ZNRF3: variants seen among roughly 807,000 people sequenced by gnomAD.
ZNRF3 encodes the protein zinc and ring finger 3, also known as E3 ubiquitin-protein ligase ZNRF3.
ZNRF3 carries 23 observed loss-of-function variants against 72.5 expected under a neutral mutation model. The ratio of observed to expected loss-of-function variants is 0.32; its 90% CI spans 0.23 to 0.45. The LOEUF (loss-of-function observed/expected upper bound fraction) is 0.45. Ranked by LOEUF, ZNRF3 falls within the 20% of genes least tolerant of loss-of-function variation. The pLI, the probability that ZNRF3 is intolerant of heterozygous loss-of-function variation, is 1.00. For missense variants in ZNRF3, 1,169 were observed against 1,272.1 expected, an observed-to-expected ratio of 0.92 and a Z score of 1.23; for synonymous variants, 610 against 545.3, an observed-to-expected ratio of 1.12 and a Z score of -1.65.
At chr22:28,894,014 C>T (rs1426442284) in intron 1 of ZNRF3, among the ~76,000 whole-genome samples, 1 of 152,110 alleles carries the variant, frequency 6.6e-6, no homozygotes, top group African/African-American at 2.4e-5. Flanking sequence ...TGCAGTGGCG[C>T]AATCTTTCTT....
intron 1 of ZNRF3, among the ~76,000 whole-genome samples, chr22:28,932,754 G>A (rs74715263): frequency 0.022 from 3,283 of 152,266 alleles, 80 homozygotes; most frequent in African/African-American, 0.051. Context: ...CTTAAGAACC[G>A]TCACAGAAGA....
intron 8 of ZNRF3, among the ~76,000 whole-genome samples, chr22:29,052,141 T>C (rs1261054929): frequency 9.2e-5 from 14 of 152,236 alleles, no homozygotes. Context: ...AACTGGAGTC[T>C]AGCACCTCTG....
At chr22:28,946,868 A>G (rs1399205146) in intron 1 of ZNRF3, among the ~76,000 whole-genome samples, 1 of 152,180 alleles carries the variant, frequency 6.6e-6, no homozygotes, top group Non-Finnish European at 1.5e-5. Flanking sequence ...TGAGGAGGTG[A>G]GTAGCTATGA....
chr22:28,987,815 CT>C (rs2035884006), intron 2 of ZNRF3, among the ~76,000 whole-genome samples: 1 of 151,800 alleles, frequency 6.6e-6, no homozygotes, highest in Non-Finnish European at 1.5e-5. Flanking sequence ...GGTTTTAGAG[CT>C]TTTTTTGGTT....
At chr22:29,017,685 GGGA>G (rs2036460965) in intron 2 of ZNRF3, among the ~76,000 whole-genome samples, 2 of 152,214 alleles carry the variant, frequency 1.3e-5, no homozygotes, top group Middle Eastern at 3.4e-3. Context: ...GGGTTATGGT[GGGA>G]GGAGAAATGT....
At chr22:28,959,499 A>G (rs983081888) in intron 1 of ZNRF3, among the ~76,000 whole-genome samples, 1 of 152,252 alleles carries the variant, frequency 6.6e-6, no homozygotes, top group Non-Finnish European at 1.5e-5. Flanking sequence ...ATGTTACCAC[A>G]GTAATATTAA....
intron 1 of ZNRF3, among the ~76,000 whole-genome samples, chr22:28,910,038 CT>C (rs200106075): frequency 1.5e-3 from 216 of 145,196 alleles, no homozygotes; most frequent in Middle Eastern, 3.5e-3. Flanking sequence ...TCTCCATTAA[CT>C]TTTTTTTTTT....
At chr22:28,946,607 G>C (rs1444061232) in intron 1 of ZNRF3, among the ~76,000 whole-genome samples, 1 of 152,200 alleles carries the variant, frequency 6.6e-6, no homozygotes, top group Non-Finnish European at 1.5e-5. Flanking sequence ...CTTTCTGTTT[G>C]ATGGTGGTTG....
intron 2 of ZNRF3, among the ~76,000 whole-genome samples, chr22:29,036,556 GCCTGT>G (rs1487806468): frequency 5.3e-5 from 8 of 152,248 alleles, no homozygotes; most frequent in South Asian, 2.1e-4. Flanking sequence ...TGACAAATTT[GCCTGT>G]ATTGTCTGTG....
At chr22:29,045,911 C>A (rs1453503051) in intron 5 of ZNRF3, among the ~76,000 whole-genome samples, 3 of 152,196 alleles carry the variant, frequency 2.0e-5, no homozygotes, top group Non-Finnish European at 4.4e-5. Context: ...GTTTGCCTGT[C>A]CCAGTACATC....
intron 1 of ZNRF3, among the ~76,000 whole-genome samples, chr22:28,981,776 C>A (rs938221867): frequency 1.3e-5 from 2 of 152,146 alleles, no homozygotes; most frequent in African/African-American, 4.8e-5. Flanking sequence ...GCGGGTGGAT[C>A]ACCTGAGGTC....
chr22:28,895,796 T>C (rs949312934), intron 1 of ZNRF3, among the ~76,000 whole-genome samples: 3 of 152,088 alleles, frequency 2.0e-5, no homozygotes, highest in African/African-American at 7.2e-5. Flanking sequence ...GGAGGGGTGG[T>C]CTTTCTAGAA....
intron 1 of ZNRF3, among the ~76,000 whole-genome samples, chr22:28,888,272 C>A (rs919084133): frequency 6.6e-6 from 1 of 152,208 alleles, no homozygotes; most frequent in Non-Finnish European, 1.5e-5. Flanking sequence ...TGCTTTGTTT[C>A]CCTGTCAGTG....
chr22:29,020,948 C>G (rs2036527954), intron 2 of ZNRF3, among the ~76,000 whole-genome samples: 1 of 152,030 alleles, frequency 6.6e-6, no homozygotes, highest in Non-Finnish European at 1.5e-5. Flanking sequence ...AGGCACCCAC[C>G]ACCACGCCTG....
chr22:28,936,155 C>T (rs575181607), intron 1 of ZNRF3, among the ~76,000 whole-genome samples: 1 of 152,324 alleles, frequency 6.6e-6, no homozygotes, highest in South Asian at 2.1e-4. Flanking sequence ...ACTTACGGTG[C>T]TCCTAACATC....
At chr22:28,960,790 T>G (rs767057160) in intron 1 of ZNRF3, among the ~76,000 whole-genome samples, 44 of 152,162 alleles carry the variant, frequency 2.9e-4, no homozygotes, top group Middle Eastern at 3.4e-3. Flanking sequence ...TCATTCTTAC[T>G]TCCTCTTGGA....
chr22:28,986,762 T>C (rs911937324), intron 1 of ZNRF3: 7 of 635,424 alleles, frequency 1.1e-5, no homozygotes, highest in Non-Finnish European at 1.4e-5. Context: ...GCAATTTAGA[T>C]TGGCATTTAT....
chr22:28,899,749 G>C (rs2034069818), intron 1 of ZNRF3, among the ~76,000 whole-genome samples: 1 of 145,844 alleles, frequency 6.9e-6, no homozygotes. Context: ...AAGTGCAGTG[G>C]TATGATCTTG....
At position 28,885,335 on chromosome 22, in the gene ZNRF3, C is replaced by G. The variant is rs560539598; in HGVS notation, c.300+1269C>G. ...GCGATTAATCAGCAGCATTGCCTTA[C>G]CGGGCTCTTATCCCCATCCGAAAAC... On this transcript the variant is annotated intron_variant, in intron 1 of 8. Transcript: ENST00000544604. Among the ~76,000 whole-genome samples the G allele has an allele frequency of 3.3e-5, 5 of 152,232 alleles. No individual in the cohort carries two copies. The South Asian group carries it at 1.0e-3, about 32-fold the overall frequency.
Sources: allele counts gnomAD v4.1 joint callset (sites outside exome capture counted in the v4.1 genomes callset), GRCh38; gene constraint gnomAD v4.1.1; transcripts MANE v1.5; gene names NCBI Gene and HGNC (gene_info 2026-07-23, HGNC 2026-07-21).